PLEKHG1: variants seen among roughly 807,000 people sequenced by gnomAD.
PLEKHG1 encodes pleckstrin homology and RhoGEF domain containing G1, also known as pleckstrin homology domain-containing family G member 1.
In PLEKHG1, 44 loss-of-function variants were observed where a neutral mutation model predicts 100.8. The ratio of observed to expected loss-of-function variants is 0.44; its 90% CI spans 0.34 to 0.56. PLEKHG1 has a LOEUF of 0.56. Among genes scored for constraint, PLEKHG1 ranks in the 20% least tolerant of loss-of-function variants. PLEKHG1 has a pLI of 0.01. For synonymous variants in PLEKHG1, 640 were observed against 662.5 expected (o/e 0.97, Z 0.52); for missense variants, 1,545 against 1,720.9 (o/e 0.90, Z 1.81).
chr6:150,821,115 C>A, intron 12 of PLEKHG1, 80 bp from the exon 14 acceptor site: 1 of 1,077,108 alleles, frequency 9.3e-7, no homozygotes, highest in Non-Finnish European at 1.4e-6. Flanking sequence ...TGTCAATAGG[C>A]TCATAATCCT....
exon 2 of PLEKHG1, chr6:150,733,951 G>A (rs758954127): frequency 4.5e-5 from 73 of 1,614,118 alleles, no homozygotes; most frequent in Non-Finnish European, 1.3e-5. Flanking sequence ...CCAGAGCGCA[G>A]TGGAGAGTGG....
At chr6:150,698,637 C>T (rs183546574) in intron 3 of PLEKHG1, among the ~76,000 whole-genome samples, 6 of 152,272 alleles carry the variant, frequency 3.9e-5, no homozygotes, top group Middle Eastern at 3.4e-3. Context: ...CAAGTACCTC[C>T]TGTAACGCAA....
At chr6:150,635,951 G>A (rs1254581820) in intron 1 of PLEKHG1, among the ~76,000 whole-genome samples, 1 of 152,062 alleles carries the variant, frequency 6.6e-6, no homozygotes, top group Non-Finnish European at 1.5e-5. Context: ...CAGGACTATG[G>A]GCTTTTTGTA....
At chr6:150,803,738 C>G (rs1271757091) in intron 6 of PLEKHG1, among the ~76,000 whole-genome samples, 12 of 152,090 alleles carry the variant, frequency 7.9e-5, no homozygotes, top group Admixed American at 7.9e-4. Flanking sequence ...GCTAAAATGT[C>G]TACTTGCTAT....
At chr6:150,650,149 A>G (rs1778668649) in intron 2 of PLEKHG1, among the ~76,000 whole-genome samples, 1 of 152,106 alleles carries the variant, frequency 6.6e-6, no homozygotes, top group Admixed American at 6.5e-5. Context: ...CCTCACCCCA[A>G]TGAGCTCGAC....
chr6:150,754,987 T>G (rs1783747038), intron 2 of PLEKHG1, among the ~76,000 whole-genome samples: 1 of 150,130 alleles, frequency 6.7e-6, no homozygotes, highest in Non-Finnish European at 1.5e-5. Flanking sequence ...GGACTTTTTG[T>G]TTTTTTGAGA....
intron 1 of PLEKHG1, among the ~76,000 whole-genome samples, chr6:150,603,737 T>G (rs1329928376): frequency 1.7e-5 from 2 of 120,096 alleles, no homozygotes; most frequent in Non-Finnish European, 3.8e-5. Flanking sequence ...AAGTAAAAAT[T>G]TCCACATCTA....
rs1485008068 is a variant in PLEKHG1 at position 150,690,391 on chromosome 6, A to AGTCAGTTCCT, written c.-99+39606_-99+39607insTCAGTTCCTG. Among the ~76,000 whole-genome samples the AGTCAGTTCCT allele has an allele frequency of 4.1e-3, 622 of 152,236 alleles. 3 individuals are homozygous for AGTCAGTTCCT. Among genetic ancestry groups the AGTCAGTTCCT allele is most frequent in the African/African-American group, 0.015 (603 of 41,542 alleles). On this transcript the variant is annotated intron_variant, in intron 3 of 3. Coordinates refer to the PLEKHG1 transcript ENST00000367326. ...CTCGGTGCTGGGCTCAGGAACTGACAGCAGTCAACCGAAACAGAAGCTGCT... is the reference window on the plus strand; with the variant it reads ...CTCGGTGCTGGGCTCAGGAACTGACAGTCAGTTCCTGCAGTCAACCGAAACAGAAGCTGCT...
chr6:150,819,827 A>C, intron 12 of PLEKHG1, 53 bp downstream of exon 13: 1 of 996,396 alleles, frequency 1.0e-6, no homozygotes, highest in Non-Finnish European at 1.6e-6. Context: ...CTGGCAATGA[A>C]AGTCCCTTTG....
At chr6:150,623,043 A>G (rs114047914) in intron 1 of PLEKHG1, among the ~76,000 whole-genome samples, 4 of 151,228 alleles carry the variant, frequency 2.6e-5, no homozygotes, top group African/African-American at 9.7e-5. Context: ...TCTCTGTAGG[A>G]AATGAGCGCA....
intron 10 of PLEKHG1, among the ~76,000 whole-genome samples, chr6:150,814,420 T>C (rs1264338501): frequency 6.6e-6 from 1 of 152,244 alleles, no homozygotes; most frequent in African/African-American, 2.4e-5. Context: ...CATCGTACTT[T>C]CTCCCCAAGT....
At chr6:150,807,057 A>G (rs1417251237) in intron 7 of PLEKHG1, among the ~76,000 whole-genome samples, 1 of 152,028 alleles carries the variant, frequency 6.6e-6, no homozygotes, top group East Asian at 1.9e-4. Context: ...ATGTTTCTCA[A>G]TGCTTGTGTT....
intron 15 of PLEKHG1, among the ~76,000 whole-genome samples, chr6:150,833,204 C>T (rs527678444): frequency 5.9e-5 from 9 of 151,832 alleles, no homozygotes; most frequent in East Asian, 5.8e-4. Context: ...CACCACGCCC[C>T]GCTAATTTTT....
At chr6:150,783,278 G>A (rs1003894731) in intron 3 of PLEKHG1, among the ~76,000 whole-genome samples, 3 of 151,574 alleles carry the variant, frequency 2.0e-5, no homozygotes, top group Admixed American at 6.6e-5. Context: ...GAAAATTAGC[G>A]TATTAGACCA....
chr6:150,707,222 T>A (rs1414617102), intron 3 of PLEKHG1, among the ~76,000 whole-genome samples: 1 of 152,008 alleles, frequency 6.6e-6, no homozygotes, highest in East Asian at 1.9e-4. Flanking sequence ...CAGGCTGGTC[T>A]TGAACTCCTG....
At chr6:150,721,639 A>ATGTT (rs1781680514) in intron 1 of PLEKHG1, among the ~76,000 whole-genome samples, 1 of 152,178 alleles carries the variant, frequency 6.6e-6, no homozygotes, top group Non-Finnish European at 1.5e-5. Context: ...ATGTTTGCAA[A>ATGTT]TGTATGCTTA....
At chr6:150,769,991 C>T (rs2128640568) in intron 3 of PLEKHG1, among the ~76,000 whole-genome samples, 1 of 152,218 alleles carries the variant, frequency 6.6e-6, no homozygotes, top group South Asian at 2.1e-4. Context: ...TGGTGTCAGG[C>T]CCATAGGAGG....
chr6:150,644,807 T>C (rs1778424269), intron 2 of PLEKHG1, among the ~76,000 whole-genome samples: 1 of 152,176 alleles, frequency 6.6e-6, no homozygotes, highest in Non-Finnish European at 1.5e-5. Flanking sequence ...TATGAGACCT[T>C]TATGTAGAAA....
intron 2 of PLEKHG1, among the ~76,000 whole-genome samples, chr6:150,759,231 A>G (rs895994622): frequency 6.6e-6 from 1 of 152,218 alleles, no homozygotes; most frequent in African/African-American, 2.4e-5. Context: ...TGGCTGAAGG[A>G]AAACATGCCA....
Sources: allele counts gnomAD v4.1 joint callset (sites outside exome capture counted in the v4.1 genomes callset), GRCh38; gene constraint gnomAD v4.1.1; transcripts MANE v1.5; gene names NCBI Gene and HGNC (gene_info 2026-07-23, HGNC 2026-07-21).